Variants in CD226 observed in about 807,000 individuals in gnomAD.
CD226 encodes the protein CD226 molecule.
CD226 carries 24 observed loss-of-function variants against 34.9 expected under a neutral mutation model. The observed-to-expected ratio is 0.69, with a 90% CI of 0.50 to 0.97. The LOEUF is 0.97. Ranked by LOEUF, CD226 falls within the 50% of genes least tolerant of loss-of-function variation. CD226 has a pLI of 0.00. For synonymous variants in CD226, 148 were observed against 147.4 expected (o/e 1.00, Z -0.03); for missense variants, 397 against 412.7 (o/e 0.96, Z 0.33).
chr18:69,923,311 A>G lies in CD226; in HGVS notation c.382+23423T>C, dbSNP rs534520075. ...ACATGGCATCATAATGTTGGAAGGC[A>G]AGTGTCGTGTTGCAGGAAGACAAGA... On this transcript the variant is annotated intron_variant, in intron 2 of 5. Transcript: ENST00000582621. Among the ~76,000 whole-genome samples, 9 of 152,298 alleles carry G rather than the reference A, an allele frequency of 5.9e-5. No individual in the cohort carries two copies. In the South Asian group the frequency reaches 1.0e-3, roughly 18 times the overall value.
At chr18:69,927,363 T>TACAC (rs147765877) in intron 2 of CD226, among the ~76,000 whole-genome samples, 9,452 of 147,548 alleles carry the variant, frequency 0.064, 355 homozygotes, top group African/African-American at 0.093. Context: ...ACTAAGACAC[T>TACAC]ACACACACAC....
rs570545428 is a variant in CD226 at position 69,921,874 on chromosome 18, G to T, written c.382+24860C>A. 1.2e-4 allele frequency among the ~76,000 whole-genome samples: 18 copies of T among 152,138 alleles called. No individual in the cohort carries two copies. The South Asian group carries it at 3.5e-3, about 30-fold the overall frequency. Reference sequence around the variant, plus strand: ...AGTTTGGGCTTTGGGGATTTTATGGGTTTTTTTAATTTGAATTTTTGTTTC... The same window carrying T: ...AGTTTGGGCTTTGGGGATTTTATGGTTTTTTTTAATTTGAATTTTTGTTTC... On this transcript the variant is annotated intron_variant, in intron 2 of 5. Coordinates refer to ENST00000582621, the MANE Select transcript of CD226 (RefSeq NM_001303618.2).
At chr18:69,948,539 A>C (rs1487789553), upstream of CD226, among the ~76,000 whole-genome samples, 3 of 152,230 alleles carry the variant, frequency 2.0e-5, no homozygotes, top group Non-Finnish European at 2.9e-5. Context: ...ATGAATATCT[A>C]ATGTGGGAAC....
At chr18:69,899,240 A>G (rs1338489584) in intron 2 of CD226, among the ~76,000 whole-genome samples, 1 of 152,136 alleles carries the variant, frequency 6.6e-6, no homozygotes, top group Non-Finnish European at 1.5e-5. Flanking sequence ...GCCCCTGCCC[A>G]CTAGCGCCTC....
intron 2 of CD226, among the ~76,000 whole-genome samples, chr18:69,941,856 G>C (rs1386897298): frequency 1.3e-5 from 2 of 152,106 alleles, no homozygotes; most frequent in African/African-American, 4.8e-5. Context: ...TAATTTGGCT[G>C]TTTCCCCACC....
intron 2 of CD226, among the ~76,000 whole-genome samples, chr18:69,914,898 T>C (rs973389074): frequency 6.6e-6 from 1 of 152,206 alleles, no homozygotes; most frequent in African/African-American, 2.4e-5. Flanking sequence ...CTTAGCATAC[T>C]CTGATTTTCT....
chr18:69,918,043 G>GA (rs1245316687), intron 2 of CD226, among the ~76,000 whole-genome samples: 1 of 152,196 alleles, frequency 6.6e-6, no homozygotes, highest in Non-Finnish European at 1.5e-5. Flanking sequence ...CAAGCAAGGA[G>GA]AAGGGCACAG....
intron 2 of CD226, among the ~76,000 whole-genome samples, chr18:69,918,340 G>A (rs2055410948): frequency 1.3e-5 from 2 of 152,200 alleles, no homozygotes; most frequent in South Asian, 4.2e-4. Flanking sequence ...ATCACCTGAG[G>A]TCAGGAGTTT....
intron 3 of CD226, among the ~76,000 whole-genome samples, chr18:69,873,687 T>A (rs1370023859): frequency 6.6e-6 from 1 of 151,972 alleles, no homozygotes; most frequent in African/African-American, 2.4e-5. Context: ...ATGGGCAACA[T>A]GGTGAAACCC....
At chr18:69,941,195 G>A (rs2055719782) in intron 2 of CD226, among the ~76,000 whole-genome samples, 1 of 152,260 alleles carries the variant, frequency 6.6e-6, no homozygotes, top group Admixed American at 6.5e-5. Context: ...GAGCCCTCAT[G>A]GAAGACCTCT....
upstream of CD226, chr18:69,957,292 G>A (rs898540259): frequency 6.6e-6 from 1 of 151,500 alleles, no homozygotes; most frequent in African/African-American, 2.4e-5. Context: ...TTTAAGTCAA[G>A]AGGCTTCCTT....
chr18:69,953,613 T>C (rs551189171), intron 1 of CD226, among the ~76,000 whole-genome samples: 4 of 152,342 alleles, frequency 2.6e-5, no homozygotes, highest in Non-Finnish European at 5.9e-5. Context: ...TGGGGTTTTC[T>C]TTAAAATGAT....
chr18:69,926,713 A>G (rs2055526652), intron 2 of CD226, among the ~76,000 whole-genome samples: 1 of 152,228 alleles, frequency 6.6e-6, no homozygotes, highest in Non-Finnish European at 1.5e-5. Context: ...GCCAAGTATT[A>G]TATAGGATCT....
At chr18:69,923,978 A>C (rs2055488953) in intron 2 of CD226, among the ~76,000 whole-genome samples, 1 of 151,398 alleles carries the variant, frequency 6.6e-6, no homozygotes, top group Non-Finnish European at 1.5e-5. Context: ...AAATCAATGG[A>C]GTATTGTGTC....
chr18:69,903,493 C>A (rs1224607526), intron 2 of CD226, among the ~76,000 whole-genome samples: 1 of 152,122 alleles, frequency 6.6e-6, no homozygotes, highest in East Asian at 1.9e-4. Flanking sequence ...TGTCCCCCAA[C>A]ATTCCTATGG....
chr18:69,944,193 G>A lies in CD226; in HGVS notation c.382+2541C>T, dbSNP rs553522589. On this transcript the variant is annotated intron_variant, in intron 2 of 5. Coordinates refer to ENST00000582621, the MANE Select transcript of CD226 (RefSeq NM_001303618.2). Reference sequence around the variant, plus strand: ...TCAAACTCTCAAAATAGGGTAGAATGCCCTCACTAGCCCATTGCATCAATC... The same window carrying A: ...TCAAACTCTCAAAATAGGGTAGAATACCCTCACTAGCCCATTGCATCAATC... 1.5e-3 allele frequency among the ~76,000 whole-genome samples: 231 copies of A among 152,218 alleles called. 1 individual carries two copies. The highest frequency in any genetic ancestry group is 2.2e-3 in the Non-Finnish European group (152 of 68,004).
At chr18:69,937,610 T>A (rs1485377369) in intron 2 of CD226, among the ~76,000 whole-genome samples, 1 of 152,202 alleles carries the variant, frequency 6.6e-6, no homozygotes, top group African/African-American at 2.4e-5. Flanking sequence ...CCACTGAACA[T>A]TACATTGTAC....
chr18:69,886,516 A>G (rs1373122814), intron 3 of CD226, among the ~76,000 whole-genome samples: 1 of 152,008 alleles, frequency 6.6e-6, no homozygotes, highest in Non-Finnish European at 1.5e-5. Flanking sequence ...GACCAGCTTG[A>G]CCAATGTGGT....
chr18:69,941,200 A>T (rs1328901299), intron 2 of CD226, among the ~76,000 whole-genome samples: 1 of 152,162 alleles, frequency 6.6e-6, no homozygotes, highest in African/African-American at 2.4e-5. Context: ...CTCATGGAAG[A>T]CCTCTGCTAG....
Sources: allele counts gnomAD v4.1 joint callset (sites outside exome capture counted in the v4.1 genomes callset), GRCh38; gene constraint gnomAD v4.1.1; transcripts MANE v1.5; gene names NCBI Gene and HGNC (gene_info 2026-07-23, HGNC 2026-07-21).